The following SOX6 variants were observed in gnomAD, a reference collection of about 807,000 sequenced individuals.
The protein encoded by SOX6 is transcription factor SOX-6.
A neutral mutation model predicts 97.8 loss-of-function variants in SOX6; 11 were observed. The ratio of observed to expected loss-of-function variants is 0.11; its 90% CI spans 0.07 to 0.19. The LOEUF (loss-of-function observed/expected upper bound fraction) is 0.19. Among genes scored for constraint, SOX6 ranks in the 10% least tolerant of loss-of-function variants. SOX6 has a pLI of 1.00. For missense variants in SOX6, 810 were observed against 1,039.5 expected, an observed-to-expected ratio of 0.78 and a Z score of 3.04; for synonymous variants, 360 against 371.4, an observed-to-expected ratio of 0.97 and a Z score of 0.35.
intron 13 of SOX6, among the ~76,000 whole-genome samples, chr11:15,999,171 G>A (rs1390060587): frequency 6.6e-6 from 1 of 151,976 alleles, no homozygotes; most frequent in Admixed American, 6.5e-5. Context: ...TTAATCATCA[G>A]GAAAATGCAA....
At chr11:16,639,263 C>A (rs907954369) in intron 3 of SOX6, among the ~76,000 whole-genome samples, 2 of 152,102 alleles carry the variant, frequency 1.3e-5, no homozygotes, top group Non-Finnish European at 2.9e-5. Flanking sequence ...TGTTCTGTTC[C>A]ATTGGTATAT....
chr11:16,561,016 G>C (rs1847809071), intron 4 of SOX6, among the ~76,000 whole-genome samples: 2 of 152,054 alleles, frequency 1.3e-5, no homozygotes, highest in African/African-American at 4.8e-5. Flanking sequence ...ATTGGATACA[G>C]GGTATACTAC....
chr11:16,012,684 G>A (rs1854767725), intron 13 of SOX6, among the ~76,000 whole-genome samples: 1 of 151,932 alleles, frequency 6.6e-6, no homozygotes, highest in South Asian at 2.1e-4. Flanking sequence ...ATAAACAGTG[G>A]GGGCAGTATG....
At chr11:16,596,494 C>T (rs1448961805) in intron 4 of SOX6, among the ~76,000 whole-genome samples, 2 of 152,164 alleles carry the variant, frequency 1.3e-5, no homozygotes, top group Non-Finnish European at 2.9e-5. Flanking sequence ...CAAATGTTCC[C>T]CCATGTTCAG....
chr11:16,519,075 T>C (rs1194230885), intron 4 of SOX6, among the ~76,000 whole-genome samples: 1 of 152,150 alleles, frequency 6.6e-6, no homozygotes, highest in Non-Finnish European at 1.5e-5. Flanking sequence ...TCAAATCCAC[T>C]AGTACATGTC....
chr11:16,617,822 A>C (rs1357377396), intron 3 of SOX6, among the ~76,000 whole-genome samples: 1 of 151,882 alleles, frequency 6.6e-6, no homozygotes, highest in Non-Finnish European at 1.5e-5. Flanking sequence ...TTTACTAACA[A>C]CCAACCACTT....
At chr11:15,985,693 C>G (rs11023815) in intron 15 of SOX6, among the ~76,000 whole-genome samples, 60,737 of 151,926 alleles carry the variant, frequency 0.4, 12,351 homozygotes, top group Admixed American at 0.43. Flanking sequence ...ATTGTTACTG[C>G]TCCCACCACA....
At chr11:16,321,203 T>C (rs1238136056) in intron 2 of SOX6, among the ~76,000 whole-genome samples, 1 of 151,942 alleles carries the variant, frequency 6.6e-6, no homozygotes, top group African/African-American at 2.4e-5. Flanking sequence ...TAATCACCAT[T>C]TGATCAATCA....
intron 3 of SOX6, among the ~76,000 whole-genome samples, chr11:16,251,582 T>C (rs1180142202): frequency 1.3e-5 from 2 of 152,066 alleles, no homozygotes; most frequent in South Asian, 2.1e-4. Flanking sequence ...ATAAAGATAT[T>C]GGATCTATAA....
At position 16,096,019 on chromosome 11, in the gene SOX6, A is replaced by T; in HGVS notation, c.1078T>A (p.Ser360Thr). 6.2e-7 allele frequency: 1 copy of T among 1,611,370 alleles called. No homozygotes were observed. The highest frequency in any genetic ancestry group is 8.5e-7 in the Non-Finnish European group (1 of 1,178,316). Residue 360 changes from serine to threonine, a missense_variant, in exon 9 of 16, where the codon TCT becomes ACT. By Grantham distance (58) the Ser-to-Thr change is moderately conservative. This residue lies in a region of SOX6 where 244 missense variants were observed against 261.0 expected (regional missense o/e 0.93). Transcript: ENST00000683767. ...ACCTCAATCTGTTTGTGGTTGTAAG[A>T]GTGGCCACCACCATGTTCAAAGGTG... ...LDTFEHGGGH[S>T]YNHKQIEQLY...
intron 6 of SOX6, among the ~76,000 whole-genome samples, chr11:16,116,967 G>A (rs1367516094): frequency 1.3e-5 from 2 of 152,234 alleles, no homozygotes; most frequent in East Asian, 1.9e-4. Context: ...CCCAGTCCAT[G>A]CAAAAACTGT....
At chr11:16,010,329 A>C (rs569472033) in intron 13 of SOX6, among the ~76,000 whole-genome samples, 1 of 152,132 alleles carries the variant, frequency 6.6e-6, no homozygotes, top group East Asian at 1.9e-4. Flanking sequence ...ATCAATGCAA[A>C]GTTTTAATGC....
intron 4 of SOX6, among the ~76,000 whole-genome samples, chr11:16,560,898 A>C (rs1471678232): frequency 6.6e-6 from 1 of 152,116 alleles, no homozygotes; most frequent in Admixed American, 6.6e-5. Flanking sequence ...ATATGTTCTC[A>C]CTTTTAAGGT....
chr11:16,303,476 T>C (rs1855328039), intron 3 of SOX6, among the ~76,000 whole-genome samples: 1 of 152,240 alleles, frequency 6.6e-6, no homozygotes. Context: ...TTGATATATG[T>C]GACTATTTTT....
chr11:16,205,383 A>G (rs1421893633), intron 4 of SOX6, among the ~76,000 whole-genome samples: 1 of 152,130 alleles, frequency 6.6e-6, no homozygotes, highest in Non-Finnish European at 1.5e-5. Flanking sequence ...GAATCCTTGC[A>G]TTTCATTTGC....
At chr11:16,257,244 A>G (rs570014016) in intron 3 of SOX6, among the ~76,000 whole-genome samples, 1 of 152,022 alleles carries the variant, frequency 6.6e-6, no homozygotes, top group South Asian at 2.1e-4. Flanking sequence ...AAGACACAGA[A>G]TAGCCAACTT....
At chr11:16,415,132 A>G (rs1338681042) in intron 1 of SOX6, among the ~76,000 whole-genome samples, 1 of 152,150 alleles carries the variant, frequency 6.6e-6, no homozygotes, top group Non-Finnish European at 1.5e-5. Flanking sequence ...AGCCTCCCAC[A>G]TGTAATGGGA....
intron 6 of SOX6, among the ~76,000 whole-genome samples, chr11:16,179,038 A>G (rs1851276405): frequency 6.6e-6 from 1 of 151,890 alleles, no homozygotes; most frequent in Non-Finnish European, 1.5e-5. Flanking sequence ...TAGGTCAAGC[A>G]GGTCATGAAG....
intron 4 of SOX6, among the ~76,000 whole-genome samples, chr11:16,225,102 T>C (rs1370790833): frequency 1.3e-5 from 2 of 152,124 alleles, no homozygotes; most frequent in African/African-American, 4.8e-5. Context: ...AGTCAGTCTC[T>C]AGATCAATAT....
Sources: gnomAD v4.1 joint callset for allele counts (sites outside exome capture counted in the v4.1 genomes callset) on GRCh38, gnomAD v4.1.1 for gene constraint, gnomAD v4.1.1 regional missense constraint, MANE v1.5 for transcripts, NCBI Gene and HGNC (gene_info 2026-07-23, HGNC 2026-07-21) for gene names.